CACNA1D: variants seen among roughly 807,000 people sequenced by gnomAD.
The protein encoded by CACNA1D is voltage-dependent L-type calcium channel subunit alpha-1D.
In CACNA1D, 55 loss-of-function variants were observed where a neutral mutation model predicts 257.1. That is an observed-to-expected ratio of 0.21 (90% CI 0.17 to 0.27). The LOEUF is 0.27. Among genes scored for constraint, CACNA1D ranks in the 10% least tolerant of loss-of-function variants. The pLI is 1.00. For synonymous variants in CACNA1D, 980 were observed against 1,014.9 expected, an observed-to-expected ratio of 0.97 and a Z score of 0.65; for missense variants, 1,876 against 2,784.0, an observed-to-expected ratio of 0.67 and a Z score of 7.34.
Position 53,723,604 on chromosome 3 carries a change from C to T in CACNA1D, c.1837C>T (p.Leu613=), listed in dbSNP as rs2108721900. The T allele has an allele frequency of 1.2e-6, 2 of 1,614,166 alleles. No homozygotes were observed. The highest frequency in any genetic ancestry group is 2.2e-5 in the East Asian group (1 of 44,880). The stretch of plus-strand genomic sequence containing the variant: ...GGTGGAACTGGAAATCATGTCTCCC[C>T]TGGGGATCTCTGTGTTTCGGTGTGT... ...ILVELEIMSP[L]GISVFRCVRL... is the part of the protein sequence containing the mutation. The change falls in exon 13 of 48, where the codon CTG becomes TTG. Residue 613 remains leucine (L), a synonymous_variant. Transcript: ENST00000350061. The surrounding 1 kb of genome is among the most constrained non-coding windows in gnomAD (Gnocchi z 5.6).
chr3:53,589,983 C>A (rs1447971615), intron 3 of CACNA1D, among the ~76,000 whole-genome samples: 1 of 152,236 alleles, frequency 6.6e-6, no homozygotes, highest in Non-Finnish European at 1.5e-5. Context: ...CACCCAGGGC[C>A]TGTTTTCCCT....
chr3:53,723,622 C>A lies in CACNA1D; in HGVS notation c.1855C>A (p.Arg619=), dbSNP rs778282294. The A allele has an allele frequency of 1.2e-6, 2 of 1,613,924 alleles. No individual in the cohort carries two copies. The highest frequency in any genetic ancestry group is 1.7e-6 in the Non-Finnish European group (2 of 1,180,006). The stretch of plus-strand genomic sequence containing the variant: ...GTCTCCCCTGGGGATCTCTGTGTTT[C>A]GGTGTGTGCGCCTCTTAAGAATCTT... ...IMSPLGISVF[R]CVRLLRIFKV... is the part of the protein sequence containing the mutation. Residue 619 remains arginine (R), a synonymous_variant, in exon 13 of 48, where the codon CGG becomes AGG. Coordinates refer to ENST00000350061, the MANE Select transcript of CACNA1D (RefSeq NM_001128840.3). The surrounding 1 kb of genome is among the most constrained non-coding windows in gnomAD (Gnocchi z 5.6).
chr3:53,804,496 C>T (rs959962611), intron 44 of CACNA1D, among the ~76,000 whole-genome samples: 6 of 152,206 alleles, frequency 3.9e-5, no homozygotes, highest in African/African-American at 1.2e-4. Context: ...CCTCCCCCAA[C>T]CCCCAGAAAA....
chr3:53,590,083 G>A (rs755888841), intron 3 of CACNA1D, among the ~76,000 whole-genome samples: 2 of 152,108 alleles, frequency 1.3e-5, no homozygotes, highest in Non-Finnish European at 2.9e-5. Context: ...CATCACTTCT[G>A]TGCAGGACAT....
intron 3 of CACNA1D, among the ~76,000 whole-genome samples, chr3:53,545,687 G>A (rs879917223): frequency 1.3e-5 from 2 of 152,166 alleles, no homozygotes; most frequent in Non-Finnish European, 1.5e-5. Context: ...AATCCCTGGT[G>A]GTTATCATGT....
rs1313067463 is a variant in CACNA1D, at chr3:53,793,934, C to T, written c.4924-6315C>T. Among the ~76,000 whole-genome samples, 1 of 152,238 alleles carries T rather than the reference C, an allele frequency of 6.6e-6. No homozygotes were observed. The highest frequency in any genetic ancestry group is 2.4e-5 in the African/African-American group (1 of 41,450). ...CACACAGCAAACTTGGCACCCCCAA[C>T]ACCAGCATCCATAGGCTAAACTCTT... On this transcript the variant is annotated intron_variant, in intron 40 of 47. Transcript: ENST00000350061. This position sits in a 1 kb window ranked among gnomAD's most constrained non-coding sequence, Gnocchi z 4.1.
At chr3:53,663,118 G>A (rs867492557) in intron 5 of CACNA1D, among the ~76,000 whole-genome samples, 3 of 152,136 alleles carry the variant, frequency 2.0e-5, no homozygotes, top group Admixed American at 6.5e-5. Flanking sequence ...AGGCAGGGTC[G>A]TGCTGAGTCT....
At chr3:53,582,289 A>G (rs1176090640) in intron 3 of CACNA1D, among the ~76,000 whole-genome samples, 2 of 152,146 alleles carry the variant, frequency 1.3e-5, no homozygotes, top group Non-Finnish European at 2.9e-5. Flanking sequence ...ACTGTGGAAG[A>G]TTCAGCAGAT....
chr3:53,706,657 G>A (rs1031083351), intron 9 of CACNA1D, among the ~76,000 whole-genome samples: 8 of 152,122 alleles, frequency 5.3e-5, no homozygotes, highest in African/African-American at 9.7e-5. Flanking sequence ...TACAAATACC[G>A]TTCTGTGACA....
chr3:53,574,103 G>T (rs912040823), intron 3 of CACNA1D, among the ~76,000 whole-genome samples: 2 of 152,176 alleles, frequency 1.3e-5, no homozygotes, highest in Non-Finnish European at 2.9e-5. Context: ...CCCCATCTCA[G>T]GGTGCTCGAT....
chr3:53,726,646 A>C (rs1288322886), intron 14 of CACNA1D, among the ~76,000 whole-genome samples: 1 of 151,226 alleles, frequency 6.6e-6, no homozygotes, highest in Non-Finnish European at 1.5e-5. Context: ...AAAAACAAAC[A>C]AACACTTAAG....
Position 53,509,627 on chromosome 3 carries a change from T to C in CACNA1D, c.483+7907T>C, listed in dbSNP as rs1575707181. 2.0e-5 allele frequency among the ~76,000 whole-genome samples: 3 copies of C among 152,048 alleles called. No individual in the cohort carries two copies. In the South Asian group the frequency reaches 6.2e-4, roughly 32 times the overall value. On this transcript the variant is annotated intron_variant, in intron 3 of 47. Transcript: ENST00000350061. ...ACCCGAGGGAGGGCGGGGAGGCAGG[T>C]GCAGACTGCTCAGTGAGTGTGGTGG...
At chr3:53,656,944 TA>T (rs932722717) in intron 4 of CACNA1D, among the ~76,000 whole-genome samples, 17 of 152,316 alleles carry the variant, frequency 1.1e-4, no homozygotes, top group African/African-American at 4.1e-4. Flanking sequence ...GGAACTCTCA[TA>T]CACCACTTGT....
At chr3:53,592,888 C>A (rs1453085103) in intron 3 of CACNA1D, among the ~76,000 whole-genome samples, 2 of 152,102 alleles carry the variant, frequency 1.3e-5, no homozygotes, top group African/African-American at 4.8e-5. Context: ...GGGGTTTTGC[C>A]ATGTTGGCCC....
At chr3:53,702,069 T>G (rs1167559456) in intron 8 of CACNA1D, among the ~76,000 whole-genome samples, 2 of 152,200 alleles carry the variant, frequency 1.3e-5, no homozygotes, top group African/African-American at 4.8e-5. Flanking sequence ...CTCCATGCAC[T>G]GCTCTGGCCC....
rs2091695768 is a variant in CACNA1D, at chr3:53,524,627, G to C, written c.483+22907G>C. 2.0e-5 allele frequency among the ~76,000 whole-genome samples: 3 copies of C among 152,208 alleles called. No homozygotes were observed. The South Asian group carries it at 6.2e-4, about 32-fold the overall frequency. ...TAGGTCAGGGGTACATGTGTACCTG[G>C]CCTTTGAAGCCTCTTTTGGGGTTCA... On this transcript the variant is annotated intron_variant, in intron 3 of 47. Coordinates refer to ENST00000350061, the MANE Select transcript of CACNA1D (RefSeq NM_001128840.3).
intron 3 of CACNA1D, among the ~76,000 whole-genome samples, chr3:53,583,929 A>G (rs1559875931): frequency 6.6e-6 from 1 of 152,204 alleles, no homozygotes; most frequent in Non-Finnish European, 1.5e-5. Flanking sequence ...CAAAGAGGAC[A>G]TTGACTTTCT....
At chr3:53,721,670 G>T (rs1314053080) in intron 11 of CACNA1D, among the ~76,000 whole-genome samples, 2 of 152,154 alleles carry the variant, frequency 1.3e-5, no homozygotes, top group African/African-American at 4.8e-5. Context: ...TCTCCTAAAG[G>T]TATATTTTGA....
chr3:53,509,233 T>C (rs1427143333), intron 3 of CACNA1D, among the ~76,000 whole-genome samples: 1 of 151,930 alleles, frequency 6.6e-6, no homozygotes, highest in African/African-American at 2.4e-5. Flanking sequence ...GAAGATGGGA[T>C]GAAGGAGGAA....
Sources: allele counts gnomAD v4.1 joint callset (sites outside exome capture counted in the v4.1 genomes callset), GRCh38; gene constraint gnomAD v4.1.1; non-coding constraint Gnocchi (gnomAD v3.1); transcripts MANE v1.5; gene names NCBI Gene and HGNC (gene_info 2026-07-23, HGNC 2026-07-21).